The following SLC4A4 variants were observed in gnomAD, a reference collection of about 807,000 sequenced individuals.
SLC4A4 encodes the protein electrogenic sodium bicarbonate cotransporter 1.
In SLC4A4, 27 loss-of-function variants were observed where a neutral mutation model predicts 111.5. That is an observed-to-expected ratio of 0.24 (90% CI 0.18 to 0.33). The LOEUF (loss-of-function observed/expected upper bound fraction) is 0.33, where lower values mean the gene tolerates loss of function less well. Among genes scored for constraint, SLC4A4 ranks in the 10% least tolerant of loss-of-function variants. SLC4A4 has a pLI of 1.00. For synonymous variants in SLC4A4, 443 were observed against 463.4 expected (o/e 0.96, Z 0.57); for missense variants, 909 against 1,315.5 (o/e 0.69, Z 4.78).
intron 18 of SLC4A4, among the ~76,000 whole-genome samples, chr4:71,535,585 T>C (rs1205422808): frequency 6.6e-6 from 1 of 152,036 alleles, no homozygotes; most frequent in Admixed American, 6.6e-5. Context: ...CATCAAAACT[T>C]GTAAGTTAGA....
At chr4:71,209,027 G>T (rs1717964271) in intron 1 of SLC4A4, among the ~76,000 whole-genome samples, 1 of 152,082 alleles carries the variant, frequency 6.6e-6, no homozygotes, top group South Asian at 2.1e-4. Flanking sequence ...ATGGCTTTAT[G>T]CTCTTTATGC....
In SLC4A4 at chr4:71,065,746, A is replaced by G. The variant is rs142286693; in HGVS notation, c.-65+2958A>G. On this transcript the variant is annotated intron_variant, in intron 1 of 26. Coordinates refer to the SLC4A4 transcript ENST00000649996. Reference sequence around the variant, plus strand: ...ACTCGACAATTCCTACTCACCTTTCAGTTATCATTTCAATGTCACTTTCTC... The same window carrying G: ...ACTCGACAATTCCTACTCACCTTTCGGTTATCATTTCAATGTCACTTTCTC... Among the ~76,000 whole-genome samples the G allele has an allele frequency of 7.7e-3, 1,169 of 152,164 alleles. 9 individuals carry two copies. Among genetic ancestry groups the G allele is most frequent in the African/African-American group, 0.027 (1,117 of 41,512 alleles).
intron 3 of SLC4A4, among the ~76,000 whole-genome samples, chr4:71,267,272 C>G (rs1030683770): frequency 1.3e-5 from 2 of 151,894 alleles, no homozygotes; most frequent in Non-Finnish European, 2.9e-5. Context: ...AAGGTAGGTT[C>G]TGATCAAGGT....
intron 2 of SLC4A4, among the ~76,000 whole-genome samples, chr4:71,134,527 A>C (rs1743793503): frequency 6.6e-6 from 1 of 152,210 alleles, no homozygotes; most frequent in African/African-American, 2.4e-5. Flanking sequence ...ATCTTGTTCT[A>C]AACTTTGCTC....
intron 2 of SLC4A4, among the ~76,000 whole-genome samples, chr4:71,109,004 T>C (rs891504361): frequency 6.6e-6 from 1 of 152,162 alleles, no homozygotes; most frequent in African/African-American, 2.4e-5. Flanking sequence ...TGTTGGTTTA[T>C]ATATATTTTT....
intron 3 of SLC4A4, among the ~76,000 whole-genome samples, chr4:71,335,761 C>G (rs1728388036): frequency 6.6e-6 from 1 of 151,806 alleles, no homozygotes; most frequent in Non-Finnish European, 1.5e-5. Context: ...GGAGGCGGAG[C>G]TTGCAGTGAG....
intron 6 of SLC4A4, among the ~76,000 whole-genome samples, chr4:71,387,916 T>G (rs1718906084): frequency 6.6e-6 from 1 of 152,270 alleles, no homozygotes; most frequent in South Asian, 2.1e-4. Flanking sequence ...TAGACCAAAC[T>G]TATCTAAATT....
At chr4:71,194,402 G>A (rs1374208496) in intron 1 of SLC4A4, among the ~76,000 whole-genome samples, 2 of 152,196 alleles carry the variant, frequency 1.3e-5, no homozygotes. Context: ...TTGGCTGAAT[G>A]AATGAACACA....
At chr4:71,081,851 G>A (rs1742001890) in intron 1 of SLC4A4, among the ~76,000 whole-genome samples, 1 of 152,172 alleles carries the variant, frequency 6.6e-6, no homozygotes, top group South Asian at 2.1e-4. Context: ...GCTTTTGGGA[G>A]TGGTGGGAAG....
At chr4:71,367,136 C>T (rs1055308848) in intron 6 of SLC4A4, among the ~76,000 whole-genome samples, 1 of 152,136 alleles carries the variant, frequency 6.6e-6, no homozygotes, top group African/African-American at 2.4e-5. Context: ...AGCTTTAGTT[C>T]CCAACAATAC....
intron 2 of SLC4A4, among the ~76,000 whole-genome samples, chr4:71,254,458 T>G (rs918104048): frequency 6.6e-6 from 1 of 152,122 alleles, no homozygotes; most frequent in African/African-American, 2.4e-5. Flanking sequence ...CTCGGTTTAT[T>G]TTTATCATTG....
intron 2 of SLC4A4, among the ~76,000 whole-genome samples, chr4:71,164,719 A>C (rs1207769315): frequency 2.0e-5 from 3 of 152,150 alleles, no homozygotes; most frequent in African/African-American, 7.2e-5. Context: ...TAATTAAACT[A>C]AAGAGCTTCT....
At position 71,419,922 on chromosome 4, in the gene SLC4A4, A is replaced by G. The variant is rs571803556; in HGVS notation, c.808-20694A>G. 4.6e-5 allele frequency among the ~76,000 whole-genome samples: 7 copies of G among 152,364 alleles called. No individual in the cohort carries two copies. The East Asian group carries it at 1.3e-3, about 29-fold the overall frequency. ...GAGCAGAAAAACTAGAACTCTAAAAAGCAGAGCACCTCTCCTCCTCCAAAG... is the reference window on the plus strand; with the variant it reads ...GAGCAGAAAAACTAGAACTCTAAAAGGCAGAGCACCTCTCCTCCTCCAAAG... On this transcript the variant is annotated intron_variant, in intron 7 of 25. Transcript: ENST00000264485.
chr4:71,526,687 G>A (rs982330336), intron 16 of SLC4A4, among the ~76,000 whole-genome samples: 3 of 152,048 alleles, frequency 2.0e-5, no homozygotes, highest in Admixed American at 6.6e-5. Context: ...ATATCTGAGA[G>A]GTCAGATCTG....
chr4:71,521,690 G>C (rs1284458182), intron 16 of SLC4A4, among the ~76,000 whole-genome samples: 1 of 152,170 alleles, frequency 6.6e-6, no homozygotes, highest in Non-Finnish European at 1.5e-5. Context: ...TGGTGTCCCA[G>C]ACAGTGAGAC....
intron 8 of SLC4A4, among the ~76,000 whole-genome samples, chr4:71,441,850 C>T (rs965496563): frequency 6.6e-6 from 1 of 152,148 alleles, no homozygotes; most frequent in African/African-American, 2.4e-5. Context: ...TGTTATTGGA[C>T]AAATAGCAGT....
intron 12 of SLC4A4, among the ~76,000 whole-genome samples, chr4:71,465,536 G>C (rs1016988123): frequency 1.3e-5 from 2 of 149,296 alleles, no homozygotes; most frequent in African/African-American, 4.9e-5. Flanking sequence ...CAAAAACCAC[G>C]ATAACTTTTG....
At chr4:71,099,814 A>G (rs1167362115) in intron 2 of SLC4A4, among the ~76,000 whole-genome samples, 2 of 152,204 alleles carry the variant, frequency 1.3e-5, no homozygotes, top group Non-Finnish European at 1.5e-5. Flanking sequence ...ATCAGAAGCT[A>G]CTATAAACAC....
At position 71,450,436 on chromosome 4, in the gene SLC4A4, T is replaced by C. The variant is rs762761460; in HGVS notation, c.1101T>C (p.Ile367=). 18 of 1,612,658 alleles carry C rather than the reference T, an allele frequency of 1.1e-5. No homozygotes were observed. In the South Asian group the frequency reaches 1.8e-4, roughly 16 times the overall value. Residue 367 remains isoleucine, a synonymous_variant, in exon 10 of 26, where the codon ATT becomes ATC. Transcript: ENST00000264485. ...AAGCAAAAGACAGGCACGACCTGATTGCTGGTATTGATGAGTTCCTAGATG... is the reference window on the plus strand; with the variant it reads ...AAGCAAAAGACAGGCACGACCTGATCGCTGGTATTGATGAGTTCCTAGATG... ...AYKAKDRHDL[I]AGIDEFLDEV...
Sources: gnomAD v4.1 joint callset for allele counts (sites outside exome capture counted in the v4.1 genomes callset) on GRCh38, gnomAD v4.1.1 for gene constraint, MANE v1.5 for transcripts, NCBI Gene and HGNC (gene_info 2026-07-23, HGNC 2026-07-21) for gene names.